GRIK2: variants seen among roughly 807,000 people sequenced by gnomAD.
GRIK2 encodes the protein glutamate ionotropic receptor kainate type subunit 2.
Under a neutral mutation model 100.3 loss-of-function variants are expected in GRIK2, and 32 were observed. That is an observed-to-expected ratio of 0.32 (90% CI 0.24 to 0.43). GRIK2 has a LOEUF of 0.43. Among genes scored for constraint, GRIK2 ranks in the 20% least tolerant of loss-of-function variants. The pLI, the probability that GRIK2 is intolerant of heterozygous loss-of-function variation, is 1.00. For synonymous variants in GRIK2, 417 were observed against 389.4 expected (o/e 1.07, Z -0.83); for missense variants, 843 against 1,114.9 (o/e 0.76, Z 3.47).
At chr6:101,518,750 T>C (rs1238417379) in intron 2 of GRIK2, among the ~76,000 whole-genome samples, 4 of 152,150 alleles carry the variant, frequency 2.6e-5, no homozygotes, top group African/African-American at 9.7e-5. Context: ...TAAAGATGCC[T>C]ATAAAAGTTA....
At chr6:101,842,077 T>C (rs1783539368) in intron 10 of GRIK2, among the ~76,000 whole-genome samples, 1 of 152,186 alleles carries the variant, frequency 6.6e-6, no homozygotes, top group African/African-American at 2.4e-5. Context: ...TTATAAATTA[T>C]ATAACATCAT....
At position 101,692,068 on chromosome 6, in the gene GRIK2, G is replaced by C. The variant is rs1012407651; in HGVS notation, c.951+5715G>C. The stretch of plus-strand genomic sequence containing the variant: ...AAAAAAAAAAAAAAAAAAAAAAAAA[G>C]CAATGGAAATAGAACCATAGAGAAA... On this transcript the variant is annotated intron_variant, in intron 7 of 16. Transcript: ENST00000369134. Among the ~76,000 whole-genome samples the C allele has an allele frequency of 4.8e-4, 56 of 115,728 alleles. 2 individuals are homozygous for C. The highest frequency in any genetic ancestry group is 4.9e-3 in the Middle Eastern group (1 of 204). 75.9% of individuals were successfully genotyped at this position (115,728 alleles called of 152,430 possible). A position where few individuals can be genotyped will look rare whatever the true frequency, so the allele number is the denominator to read the frequency against.
At chr6:101,418,432 A>G (rs1432290727) in intron 2 of GRIK2, among the ~76,000 whole-genome samples, 3 of 152,156 alleles carry the variant, frequency 2.0e-5, no homozygotes, top group East Asian at 1.9e-4. Context: ...TAGTTTTTCT[A>G]TCGACATTTG....
chr6:101,617,466 C>T lies in GRIK2; in HGVS notation c.116-4483C>T, dbSNP rs117755905. Among the ~76,000 whole-genome samples, 6 of 151,782 alleles carry T rather than the reference C, an allele frequency of 4.0e-5. No individual in the cohort carries two copies. The East Asian group carries it at 1.2e-3, about 29-fold the overall frequency. On this transcript the variant is annotated intron_variant, in intron 2 of 16. Coordinates refer to ENST00000369134, the MANE Select transcript of GRIK2 (RefSeq NM_021956.5). The stretch of plus-strand genomic sequence containing the variant: ...GGTCTTCCATGTTGTTATAAATATT[C>T]TTGCACATATGCTTTGATGAACTTA...
At chr6:101,693,236 T>A (rs1772234791) in intron 7 of GRIK2, among the ~76,000 whole-genome samples, 2 of 152,098 alleles carry the variant, frequency 1.3e-5, no homozygotes, top group South Asian at 4.1e-4. Flanking sequence ...TCATATTATT[T>A]TTATAGGTCA....
At chr6:101,613,856 G>A (rs898216874) in intron 2 of GRIK2, among the ~76,000 whole-genome samples, 20 of 151,640 alleles carry the variant, frequency 1.3e-4, no homozygotes, top group Admixed American at 5.3e-4. Flanking sequence ...TGAAAGAAAC[G>A]CAGTAGGAAG....
At chr6:101,891,613 TA>T (rs1382192536) in intron 12 of GRIK2, 3 of 400,478 alleles carry the variant, frequency 7.5e-6, no homozygotes, top group Non-Finnish European at 1.4e-5. Flanking sequence ...ACAAATGCAT[TA>T]TTTTTACCTA....
chr6:101,569,716 C>T (rs983902747), intron 2 of GRIK2, among the ~76,000 whole-genome samples: 2 of 151,956 alleles, frequency 1.3e-5, no homozygotes, highest in African/African-American at 4.8e-5. Context: ...AACAAAAACG[C>T]TAATTGCTTA....
chr6:101,946,687 T>G (rs1791300047), intron 14 of GRIK2, among the ~76,000 whole-genome samples: 1 of 152,104 alleles, frequency 6.6e-6, no homozygotes, highest in Non-Finnish European at 1.5e-5. Flanking sequence ...AGGCGATTAT[T>G]GTAGTAAAGA....
intron 2 of GRIK2, among the ~76,000 whole-genome samples, chr6:101,616,755 C>A (rs1396686282): frequency 2.6e-5 from 4 of 151,666 alleles, no homozygotes; most frequent in African/African-American, 9.7e-5. Flanking sequence ...ATTTATTTTT[C>A]TATTCAGCTG....
intron 2 of GRIK2, among the ~76,000 whole-genome samples, chr6:101,534,706 T>C (rs1041892849): frequency 6.6e-6 from 1 of 151,894 alleles, no homozygotes; most frequent in Non-Finnish European, 1.5e-5. Flanking sequence ...TGGTAGCATA[T>C]CTTTGAGCTA....
intron 12 of GRIK2, among the ~76,000 whole-genome samples, chr6:101,909,388 T>C (rs1430382435): frequency 6.9e-6 from 1 of 144,608 alleles, no homozygotes; most frequent in Non-Finnish European, 1.5e-5. Flanking sequence ...TTTTCTTTTT[T>C]TTTTTTTTAA....
intron 10 of GRIK2, among the ~76,000 whole-genome samples, chr6:101,833,712 C>T (rs1340265): frequency 0.3 from 44,864 of 151,778 alleles, 9,378 homozygotes; most frequent in East Asian, 0.67. Context: ...TTTTGAATGG[C>T]AAAAATACTT....
chr6:102,055,341 C>T lies in GRIK2; in HGVS notation c.2323C>T (p.Arg775Ter). Residue 775 changes from arginine (R) to a stop codon, truncating the protein, a stop_gained, in exon 16 of 17, where the codon CGA becomes TGA. Coordinates refer to ENST00000369134, the MANE Select transcript of GRIK2 (RefSeq NM_021956.5). LOFTEE classifies it high-confidence loss of function. ...GVGTPMGSPYRDKITIAILQL... is the reference protein window; with the variant it reads ...GVGTPMGSPY Reference sequence around the variant, plus strand: ...CTCTCCTTTCTTAGGTTCTCCATATCGAGACAAAATTACCATAGCAATTCT... The same window carrying T: ...CTCTCCTTTCTTAGGTTCTCCATATTGAGACAAAATTACCATAGCAATTCT... The T allele has an allele frequency of 6.2e-7, 1 of 1,609,308 alleles. No homozygotes were observed.
At chr6:101,806,171 C>T (rs954528023) in intron 9 of GRIK2, among the ~76,000 whole-genome samples, 1 of 151,982 alleles carries the variant, frequency 6.6e-6, no homozygotes, top group Non-Finnish European at 1.5e-5. Context: ...ACAGTAGGTA[C>T]TATTACAGAC....
chr6:101,650,316 A>G (rs1781725348), intron 4 of GRIK2, among the ~76,000 whole-genome samples: 1 of 152,134 alleles, frequency 6.6e-6, no homozygotes, highest in Non-Finnish European at 1.5e-5. Context: ...CGTGCTGACC[A>G]CTTGGTTTCT....
intron 10 of GRIK2, among the ~76,000 whole-genome samples, chr6:101,842,768 C>G (rs1049989972): frequency 9.9e-5 from 15 of 152,138 alleles, no homozygotes; most frequent in Non-Finnish European, 1.9e-4. Flanking sequence ...GTTTTACATG[C>G]ATATTCAGTG....
rs202183476 is a variant in GRIK2, at chr6:101,536,338, C to CT, written c.116-85603dup. On this transcript the variant is annotated intron_variant, in intron 2 of 16. Transcript: ENST00000369134. ...TTCAAGAATGATTTAAGGCGTATCT[C>CT]TTTTTTTTGTTCCAGCATGCTTATC... 9.1e-3 allele frequency among the ~76,000 whole-genome samples: 1,379 copies of CT among 151,316 alleles called. 12 individuals carry two copies. The highest frequency in any genetic ancestry group is 0.031 in the African/African-American group (1,297 of 41,384).
At chr6:101,449,941 C>T (rs946903745) in intron 2 of GRIK2, among the ~76,000 whole-genome samples, 4 of 151,552 alleles carry the variant, frequency 2.6e-5, no homozygotes, top group African/African-American at 4.8e-5. Context: ...GAAAATTCTC[C>T]GATTTGGAAA....
Sources: allele counts gnomAD v4.1 joint callset (sites outside exome capture counted in the v4.1 genomes callset), GRCh38; gene constraint gnomAD v4.1.1; transcripts MANE v1.5; gene names NCBI Gene and HGNC (gene_info 2026-07-23, HGNC 2026-07-21).